The following GRM4 variants were observed in gnomAD, a reference collection of about 807,000 sequenced individuals.
The protein encoded by GRM4 is glutamate metabotropic receptor 4.
Under a neutral mutation model 81.7 loss-of-function variants are expected in GRM4, and 28 were observed. The ratio of observed to expected loss-of-function variants is 0.34; its 90% CI spans 0.25 to 0.47. The LOEUF (loss-of-function observed/expected upper bound fraction) is 0.47. Among genes scored for constraint, GRM4 ranks in the 20% least tolerant of loss-of-function variants. GRM4 has a pLI of 1.00. For synonymous variants in GRM4, 488 were observed against 528.8 expected (o/e 0.92, Z 1.06); for missense variants, 948 against 1,290.0 (o/e 0.73, Z 4.06).
Position 34,111,695 on chromosome 6 carries a change from C to G in GRM4, c.520-19596G>C, listed in dbSNP as rs748095569. ...AAGAGCTGATGGGCTGGGTGGGGGTCAGAATGGGCAGCAGCCAGGTGGCAG... is the reference window on the plus strand; with the variant it reads ...AAGAGCTGATGGGCTGGGTGGGGGTGAGAATGGGCAGCAGCCAGGTGGCAG... On this transcript the variant is annotated intron_variant, in intron 2 of 10. Coordinates refer to ENST00000538487, the MANE Select transcript of GRM4 (RefSeq NM_000841.4). This position sits in a 1 kb window ranked among gnomAD's most constrained non-coding sequence, Gnocchi z 5.1. 6.6e-6 allele frequency among the ~76,000 whole-genome samples: 1 copy of G among 152,198 alleles called. No homozygotes were observed. Among genetic ancestry groups the G allele is most frequent in the African/African-American group, 2.4e-5 (1 of 41,450 alleles).
At chr6:34,028,781 T>C (rs144651463) in intron 9 of GRM4, among the ~76,000 whole-genome samples, 1,699 of 152,302 alleles carry the variant, frequency 0.011, 16 homozygotes, top group East Asian at 0.026. Context: ...AGACCACAGC[T>C]GGCCCTTCTC....
intron 6 of GRM4, among the ~76,000 whole-genome samples, chr6:34,044,471 T>TAG (rs1765214093): frequency 3.8e-5 from 5 of 130,832 alleles, no homozygotes; most frequent in Non-Finnish European, 8.1e-5. Flanking sequence ...CACACAGACA[T>TAG]ACATACATAC....
intron 2 of GRM4, among the ~76,000 whole-genome samples, chr6:34,123,592 C>T (rs1769902959): frequency 6.6e-6 from 1 of 152,226 alleles, no homozygotes; most frequent in Non-Finnish European, 1.5e-5. Flanking sequence ...CCACATGCCG[C>T]CTCCAGAGCT....
Position 34,022,465 on chromosome 6 carries a change from GAGAC to G in GRM4, c.*352_*355del, listed in dbSNP as rs367585522. 256 of 309,230 alleles carry G rather than the reference GAGAC, an allele frequency of 8.3e-4. No individual in the cohort carries two copies. Among genetic ancestry groups the G allele is most frequent in the African/African-American group, 5.0e-3 (235 of 46,708 alleles). 19.2% of individuals were successfully genotyped at this position (309,230 alleles called of 1,614,324 possible). ...ATAAGAGAACAGAAAGACAGGGCTG[GAGAC>G]AGACAGAGGGGTCGCCAACAGCACA... On this transcript the variant is annotated 3_prime_UTR_variant, in exon 11 of 11. Transcript: ENST00000538487. The surrounding 1 kb of genome is among the most constrained non-coding windows in gnomAD (Gnocchi z 5.6).
Position 34,115,182 on chromosome 6 carries a change from G to C in GRM4, c.519+17796C>G, listed in dbSNP as rs1335348301. 6.6e-6 allele frequency among the ~76,000 whole-genome samples: 1 copy of C among 152,186 alleles called. No individual in the cohort carries two copies. The highest frequency in any genetic ancestry group is 1.9e-4 in the East Asian group (1 of 5,186). On this transcript the variant is annotated intron_variant, in intron 2 of 10. Transcript: ENST00000538487. This position sits in a 1 kb window ranked among gnomAD's most constrained non-coding sequence, Gnocchi z 4.1. ...ACGCCAACACGCTGCCTCTGGGCCA[G>C]CCACCAGCCAGAACAGCAGCTCCTG...
chr6:34,120,816 G>A (rs914025566), intron 2 of GRM4, among the ~76,000 whole-genome samples: 3 of 152,104 alleles, frequency 2.0e-5, no homozygotes, highest in Admixed American at 6.5e-5. Flanking sequence ...GGGTGGTCTC[G>A]ATCTCCTGAC....
rs185645462 is a variant in GRM4, at chr6:34,108,388, G to C, written c.520-16289C>G. ...CCTCACCAGAAACCTGTTGCAGACA[G>C]AGCTGCTAGCGCCTAGCCCAGTGCA... is the stretch of plus-strand genomic sequence containing the variant. On this transcript the variant is annotated intron_variant, in intron 2 of 10. Transcript: ENST00000538487. Among the ~76,000 whole-genome samples the C allele has an allele frequency of 3.7e-3, 558 of 152,352 alleles. 4 individuals are homozygous for C. The highest frequency in any genetic ancestry group is 9.6e-3 in the Admixed American group (147 of 15,308).
At chr6:34,154,560 T>C (rs1771107906) in intron 1 of GRM4, among the ~76,000 whole-genome samples, 1 of 149,802 alleles carries the variant, frequency 6.7e-6, no homozygotes, top group Admixed American at 6.7e-5. Context: ...GACAGACAGA[T>C]GGGAGGTTAG....
intron 1 of GRM4, among the ~76,000 whole-genome samples, chr6:34,153,142 C>A (rs1771080367): frequency 6.6e-6 from 1 of 152,126 alleles, no homozygotes; most frequent in Non-Finnish European, 1.5e-5. Context: ...CAAGAAGGGA[C>A]CTTGGCAGAA....
chr6:34,034,785 T>C lies in GRM4; in HGVS notation c.2442+883A>G, dbSNP rs3778056. 0.33 allele frequency among the ~76,000 whole-genome samples: 50,668 copies of C among 152,186 alleles called. 10,289 individuals carry two copies. Among genetic ancestry groups the C allele is most frequent in the Non-Finnish European group, 0.45 (30,494 of 67,988 alleles). On this transcript the variant is annotated intron_variant, in intron 9 of 10. Transcript: ENST00000538487. The surrounding 1 kb of genome is among the most constrained non-coding windows in gnomAD (Gnocchi z 4.0). ...CTGGCTTGCCCAGATCCCACACTTA[T>C]ACATGGCACTCAGACCAAGACCTGG...
chr6:34,094,101 G>T (rs1768387458), intron 2 of GRM4, among the ~76,000 whole-genome samples: 1 of 152,234 alleles, frequency 6.6e-6, no homozygotes, highest in African/African-American at 2.4e-5. Flanking sequence ...ACTGCTCTGG[G>T]TGGGTCTCCA....
rs1441506007 is a variant in GRM4 at position 34,067,540 on chromosome 6, CCCTCCCTCTGTCCCTT to C, written c.737-5528_737-5513del. On this transcript the variant is annotated intron_variant, in intron 3 of 10. Transcript: ENST00000538487. ...TCCATCCCTCCCTCCCTTTCTTCCT[CCCTCCCTCTGTCCCTT>C]CCTCCCTTCCTTCCTCTCTCCCTCC... 2.3e-4 allele frequency among the ~76,000 whole-genome samples: 34 copies of C among 147,808 alleles called. 1 individual carries two copies. The Middle Eastern group carries it at 0.014, about 60-fold the overall frequency.
intron 2 of GRM4, among the ~76,000 whole-genome samples, chr6:34,113,755 G>A (rs1034356828): frequency 1.3e-5 from 2 of 152,290 alleles, no homozygotes; most frequent in Admixed American, 1.3e-4. Flanking sequence ...GGCTCTGACA[G>A]TGCTGCAAAT....
At chr6:34,102,970 G>T (rs771526239) in intron 2 of GRM4, among the ~76,000 whole-genome samples, 6 of 152,186 alleles carry the variant, frequency 3.9e-5, no homozygotes, top group Non-Finnish European at 8.8e-5. Flanking sequence ...GGCCACCCAC[G>T]GCAGTGCCCA....
chr6:34,083,719 C>T (rs1472466531), intron 3 of GRM4, among the ~76,000 whole-genome samples: 1 of 152,190 alleles, frequency 6.6e-6, no homozygotes, highest in East Asian at 1.9e-4. Context: ...TCCCAGGAGG[C>T]AGCTGGTGGA....
At chr6:34,101,708 C>A (rs907751141) in intron 2 of GRM4, among the ~76,000 whole-genome samples, 3 of 152,234 alleles carry the variant, frequency 2.0e-5, no homozygotes, top group Non-Finnish European at 4.4e-5. Context: ...CGGGCAGGAG[C>A]CCTGGAAGGT....
chr6:34,146,718 C>T (rs1379542905), upstream of GRM4, among the ~76,000 whole-genome samples: 1 of 152,184 alleles, frequency 6.6e-6, no homozygotes, highest in Non-Finnish European at 1.5e-5. Context: ...AGGCCTCCCT[C>T]CCCATCAGTA....
chr6:34,027,004 G>A (rs553853639), intron 10 of GRM4, among the ~76,000 whole-genome samples: 2 of 152,254 alleles, frequency 1.3e-5, no homozygotes, highest in East Asian at 3.9e-4. Context: ...TTCATCTGGG[G>A]TTTCCGAACA....
chr6:34,090,197 T>C lies in GRM4; in HGVS notation c.736+1686A>G, dbSNP rs1190529240. Among the ~76,000 whole-genome samples, 12 of 151,958 alleles carry C rather than the reference T, an allele frequency of 7.9e-5. No individual in the cohort carries two copies. The highest frequency in any genetic ancestry group is 2.7e-4 in the African/African-American group (11 of 41,350). ...ATGAGCACTGGGGGTGGCTTTGAGG[T>C]CCCTCAGGGCAGGGACTGAACACAA... On this transcript the variant is annotated intron_variant, in intron 3 of 10. Transcript: ENST00000538487. This position sits in a 1 kb window ranked among gnomAD's most constrained non-coding sequence, Gnocchi z 5.2.
Sources: gnomAD v4.1 joint callset for allele counts (sites outside exome capture counted in the v4.1 genomes callset) on GRCh38, gnomAD v4.1.1 for gene constraint, Gnocchi (gnomAD v3.1) non-coding constraint, MANE v1.5 for transcripts, NCBI Gene and HGNC (gene_info 2026-07-23, HGNC 2026-07-21) for gene names.